Variants in NAV3 observed in about 807,000 individuals in gnomAD.
NAV3 encodes the protein neuron navigator 3, also known as pore membrane and/or filament interacting like protein 1.
Under a neutral mutation model 244.7 loss-of-function variants are expected in NAV3, and 87 were observed. The ratio of observed to expected loss-of-function variants is 0.36; its 90% CI spans 0.30 to 0.42. The LOEUF is 0.42. Ranked by LOEUF, NAV3 falls within the 20% of genes least tolerant of loss-of-function variation. NAV3 has a pLI of 1.00. For synonymous variants in NAV3, 1,126 were observed against 1,042.2 expected (o/e 1.08, Z -1.55); for missense variants, 2,663 against 2,893.3 (o/e 0.92, Z 1.83).
chr12:78,065,779 C>T (rs984573989), intron 12 of NAV3, among the ~76,000 whole-genome samples: 5 of 151,974 alleles, frequency 3.3e-5, no homozygotes, highest in Non-Finnish European at 5.9e-5. Context: ...GGAGAAAGAT[C>T]AGATAGAAGT....
At chr12:77,716,999 A>G (rs916765705) in intron 2 of NAV3, among the ~76,000 whole-genome samples, 19 of 152,168 alleles carry the variant, frequency 1.2e-4, no homozygotes, top group African/African-American at 4.3e-4. Context: ...GATGTAAACC[A>G]ATCATGCTTT....
chr12:78,183,661 T>C lies in NAV3; in HGVS notation c.5693-1940T>C, dbSNP rs149832304. Among the ~76,000 whole-genome samples, 10 of 152,086 alleles carry C rather than the reference T, an allele frequency of 6.6e-5. No homozygotes were observed. The East Asian group carries it at 1.7e-3, about 26-fold the overall frequency. The stretch of plus-strand genomic sequence containing the variant: ...CATCTTTGGTAAATATTTATCCTAC[T>C]GTTGTCAGGAGAAATTTCATATTGT... On this transcript the variant is annotated intron_variant, in intron 30 of 39. Coordinates refer to ENST00000397909, the MANE Select transcript of NAV3 (RefSeq NM_001024383.2).
chr12:78,181,496 C>T (rs1413230156), intron 30 of NAV3, among the ~76,000 whole-genome samples: 1 of 152,010 alleles, frequency 6.6e-6, no homozygotes, highest in Admixed American at 6.6e-5. Flanking sequence ...ACCCAGTCTG[C>T]AGCTCTATTA....
chr12:77,647,697 A>G (rs997113266), intron 2 of NAV3, among the ~76,000 whole-genome samples: 22 of 152,248 alleles, frequency 1.4e-4, no homozygotes, highest in African/African-American at 5.1e-4. Flanking sequence ...TTGTTATGCT[A>G]TATCAACTCT....
At chr12:78,012,426 CCATTA>C (rs1875463643) in intron 8 of NAV3, among the ~76,000 whole-genome samples, 1 of 152,004 alleles carries the variant, frequency 6.6e-6, no homozygotes, top group African/African-American at 2.4e-5. Flanking sequence ...TATTAGGTTT[CCATTA>C]CATTAAAAAA....
At chr12:77,844,405 G>A (rs1876261869) in intron 1 of NAV3, among the ~76,000 whole-genome samples, 1 of 152,172 alleles carries the variant, frequency 6.6e-6, no homozygotes, top group South Asian at 2.1e-4. Context: ...TCACATTGGT[G>A]ATTAAGTTTC....
intron 1 of NAV3, among the ~76,000 whole-genome samples, chr12:77,841,058 G>A (rs1368377083): frequency 6.6e-6 from 1 of 152,052 alleles, no homozygotes; most frequent in Non-Finnish European, 1.5e-5. Context: ...GTTTTACTTT[G>A]GATTACTAGT....
intron 1 of NAV3, among the ~76,000 whole-genome samples, chr12:77,880,764 A>G (rs1882531931): frequency 1.3e-5 from 2 of 152,116 alleles, no homozygotes. Context: ...ATTTAGTCAC[A>G]TGCTTTACAG....
chr12:77,766,741 T>G lies in NAV3; in HGVS notation c.73-173578T>G, dbSNP rs11106629. Among the ~76,000 whole-genome samples the G allele has an allele frequency of 3.8e-3, 90 of 23,678 alleles. 4 individuals are homozygous for G. Among genetic ancestry groups the G allele is most frequent in the Non-Finnish European group, 4.2e-3 (51 of 12,050 alleles). The allele number at this position is 23,678 out of a possible 152,430, so 15.5% of individuals were successfully genotyped here. A position where few individuals can be genotyped will look rare whatever the true frequency, so the allele number is the denominator to read the frequency against. ...CTAAAAAACAGGCAATTAAGTTTTT[T>G]TTTTTTTTTTTTTTTTTTTTTTTTT... is the stretch of plus-strand genomic sequence containing the variant. On this transcript the variant is annotated intron_variant, in intron 2 of 8. Transcript: ENST00000550042.
At chr12:77,659,234 A>G (rs1351423742) in intron 2 of NAV3, among the ~76,000 whole-genome samples, 1 of 151,714 alleles carries the variant, frequency 6.6e-6, no homozygotes, top group Non-Finnish European at 1.5e-5. Flanking sequence ...AATATCCAGA[A>G]TCTACAATGA....
At chr12:78,065,608 T>C (rs1884925827) in intron 12 of NAV3, among the ~76,000 whole-genome samples, 1 of 152,110 alleles carries the variant, frequency 6.6e-6, no homozygotes, top group Admixed American at 6.6e-5. Flanking sequence ...ATTCCATGGA[T>C]AAGTGATGTT....
intron 2 of NAV3, among the ~76,000 whole-genome samples, chr12:77,755,611 C>CTACTTCCT (rs1869121131): frequency 2.6e-5 from 1 of 38,212 alleles, no homozygotes; most frequent in Non-Finnish European, 4.9e-5. Context: ...CCCTCCCTCC[C>CTACTTCCT]TCCTTCCTTC....
chr12:78,037,364 G>A, intron 9 of NAV3: 2 of 702,620 alleles, frequency 2.8e-6, no homozygotes, highest in South Asian at 1.5e-5. Flanking sequence ...ATCTAGAACA[G>A]GCACTTTACA....
In NAV3 at chr12:77,830,994, A is replaced by G. The variant is rs7977457; in HGVS notation, c.-468A>G. ...CCTTTTGATTTTTTCCTCTTTTTCA[A>G]TCTCAAAGTTCAGACTCAGACTGCT... On this transcript the variant is annotated 5_prime_UTR_variant, in exon 1 of 40. Transcript: ENST00000397909. 6.6e-6 allele frequency: 1 copy of G among 152,078 alleles called. No individual in the cohort carries two copies. The highest frequency in any genetic ancestry group is 2.4e-5 in the African/African-American group (1 of 41,322). 9.4% of individuals were successfully genotyped at this position (152,078 alleles called of 1,614,324 possible).
At chr12:77,605,306 G>A (rs994652470) in intron 2 of NAV3, among the ~76,000 whole-genome samples, 1 of 152,016 alleles carries the variant, frequency 6.6e-6, no homozygotes, top group East Asian at 1.9e-4. Context: ...AGAATCAATA[G>A]CACCTGCCCG....
At chr12:78,049,911 G>T in intron 9 of NAV3, 82 bp from the exon 10 acceptor site, 1 of 808,508 alleles carries the variant, frequency 1.2e-6, no homozygotes, top group Non-Finnish European at 2.0e-6. Context: ...TTTAAGAAGA[G>T]GTGACTTAAT....
Position 78,109,933 on chromosome 12 carries a change from A to G in NAV3, c.2637-6839A>G, listed in dbSNP as rs1416712284. Among the ~76,000 whole-genome samples the G allele has an allele frequency of 2.6e-5, 4 of 152,158 alleles. No homozygotes were observed. The East Asian group carries it at 5.8e-4, about 22-fold the overall frequency. ...CCACTCCTATCCACATAGTACTAGA[A>G]GTCCTAGCCAAAACAATCAGACAAG... On this transcript the variant is annotated intron_variant, in intron 12 of 39. Coordinates refer to ENST00000397909, the MANE Select transcript of NAV3 (RefSeq NM_001024383.2).
chr12:77,978,788 C>A (rs1868976397), intron 5 of NAV3, among the ~76,000 whole-genome samples: 1 of 151,870 alleles, frequency 6.6e-6, no homozygotes, highest in Non-Finnish European at 1.5e-5. Flanking sequence ...TATGCTTCTA[C>A]TTCTGACCAT....
intron 23 of NAV3, among the ~76,000 whole-genome samples, chr12:78,162,153 T>TA (rs1440521221): frequency 1.3e-5 from 2 of 152,124 alleles, no homozygotes; most frequent in African/African-American, 4.8e-5. Context: ...CTCTAAAAGC[T>TA]AAGGGCATAA....
Sources: allele counts gnomAD v4.1 joint callset (sites outside exome capture counted in the v4.1 genomes callset), GRCh38; gene constraint gnomAD v4.1.1; transcripts MANE v1.5; gene names NCBI Gene and HGNC (gene_info 2026-07-23, HGNC 2026-07-21).